ZNF215: variants seen among roughly 807,000 people sequenced by gnomAD.
ZNF215 encodes zinc finger protein 215.
In ZNF215, 24 loss-of-function variants were observed where a neutral mutation model predicts 27.2. The ratio of observed to expected loss-of-function variants is 0.88; its 90% confidence interval spans 0.64 to 1.24. ZNF215 has a LOEUF of 1.24. ZNF215 is among the 50% of genes most tolerant of loss of function. The pLI is 0.00. For missense variants in ZNF215, 675 were observed against 605.7 expected, an observed-to-expected ratio of 1.11 and a Z score of -1.20; for synonymous variants, 210 against 204.0, an observed-to-expected ratio of 1.03 and a Z score of -0.25.
intron 6 of ZNF215, among the ~76,000 whole-genome samples, chr11:6,952,341 G>A (rs898306976): frequency 6.6e-6 from 1 of 152,168 alleles, no homozygotes; most frequent in African/African-American, 2.4e-5. Context: ...GGGTGTTGAA[G>A]TCTCCCATTA....
chr11:6,950,394 C>T (rs1425824162), intron 6 of ZNF215, among the ~76,000 whole-genome samples: 179 of 152,030 alleles, frequency 1.2e-3, no homozygotes, highest in African/African-American at 4.2e-3. Flanking sequence ...TGTTTGTATC[C>T]TCTTTAATTT....
intron 6 of ZNF215, among the ~76,000 whole-genome samples, chr11:6,954,716 G>A (rs1376750776): frequency 6.6e-6 from 1 of 152,132 alleles, no homozygotes; most frequent in African/African-American, 2.4e-5. Flanking sequence ...CCCTGCTTCG[G>A]CTTGCGCAGG....
chr11:6,958,303 C>A (rs1398129935), downstream of ZNF215, among the ~76,000 whole-genome samples: 1 of 152,102 alleles, frequency 6.6e-6, no homozygotes, highest in Non-Finnish European at 1.5e-5. Context: ...CTGTGATTTT[C>A]TTTTGGATGG....
downstream of ZNF215, among the ~76,000 whole-genome samples, chr11:6,990,801 G>A (rs920781950): frequency 6.8e-5 from 2 of 29,208 alleles, no homozygotes; most frequent in Non-Finnish European, 8.5e-5. Context: ...TGAAAAAGAA[G>A]GGTGATGAGA....
At chr11:6,974,246 T>G (rs1850784047) in intron 5 of ZNF215, among the ~76,000 whole-genome samples, 1 of 152,180 alleles carries the variant, frequency 6.6e-6, no homozygotes, top group Non-Finnish European at 1.5e-5. Context: ...TCTGTTCCAT[T>G]GGTCTATATC....
intron 5 of ZNF215, among the ~76,000 whole-genome samples, chr11:6,975,550 C>T (rs1439799752): frequency 6.6e-6 from 1 of 151,940 alleles, no homozygotes; most frequent in Non-Finnish European, 1.5e-5. Flanking sequence ...GATAACCATT[C>T]TTCTATTCTC....
At position 6,977,593 on chromosome 11, in the gene ZNF215, G is replaced by A. The variant is rs541350186; in HGVS notation, c.806-6536G>A. 2.6e-5 allele frequency among the ~76,000 whole-genome samples: 4 copies of A among 152,096 alleles called. No individual in the cohort carries two copies. The East Asian group carries it at 7.7e-4, about 29-fold the overall frequency. On this transcript the variant is annotated intron_variant, in intron 5 of 5. Coordinates refer to the ZNF215 transcript ENST00000529903. Reference sequence around the variant, plus strand: ...GTCTGGTATCCTTGTAAGAAGAGGAGATTTGGACCCACAGAGAGACCTAGG... The same window carrying A: ...GTCTGGTATCCTTGTAAGAAGAGGAAATTTGGACCCACAGAGAGACCTAGG...
chr11:6,942,227 G>C (rs1849655508), intron 4 of ZNF215, among the ~76,000 whole-genome samples: 2 of 152,174 alleles, frequency 1.3e-5, no homozygotes, highest in East Asian at 3.9e-4. Flanking sequence ...TATTCATAAA[G>C]ACTGGCTTGA....
intron 5 of ZNF215, among the ~76,000 whole-genome samples, chr11:6,977,539 G>A (rs1246168589): frequency 6.6e-6 from 1 of 151,956 alleles, no homozygotes; most frequent in Admixed American, 6.6e-5. Context: ...GTTAAAATGA[G>A]ACTATTAGAG....
At chr11:6,971,792 A>C (rs1398707345) in intron 5 of ZNF215, among the ~76,000 whole-genome samples, 8 of 152,154 alleles carry the variant, frequency 5.3e-5, no homozygotes, top group Non-Finnish European at 8.8e-5. Flanking sequence ...AACCATAGAC[A>C]TAAAGTTAAA....
chr11:6,940,853 AAAGTCCCTTAT>A (rs562717644), intron 3 of ZNF215, among the ~76,000 whole-genome samples: 33 of 152,234 alleles, frequency 2.2e-4, no homozygotes, highest in Non-Finnish European at 3.7e-4. Flanking sequence ...ACATCAAAAG[AAAGTCCCTTAT>A]ATTGAATAAA....
rs1849848947 is a variant in ZNF215, at chr11:6,947,238, C to T, written c.712+3597C>T. 2.6e-5 allele frequency among the ~76,000 whole-genome samples: 4 copies of T among 152,174 alleles called. No individual in the cohort carries two copies. In the South Asian group the frequency reaches 6.2e-4, roughly 24 times the overall value. Reference sequence around the variant, plus strand: ...CTGGAATTTACTTCAATAAATGTAACTTATTTTCTCAAATAGTTAATGGAT... The same window carrying T: ...CTGGAATTTACTTCAATAAATGTAATTTATTTTCTCAAATAGTTAATGGAT... On this transcript the variant is annotated intron_variant, in intron 6 of 6. Transcript: ENST00000278319.
rs772360682 is a variant in ZNF215 at position 6,956,154 on chromosome 11, T to A, written c.1177T>A (p.Ser393Thr). Residue 393 changes from serine (S) to threonine (T), a missense_variant, in exon 7 of 7, where the codon TCC becomes ACC. Transcript: ENST00000278319. ...TGGGAAAGCCTTCTGCCGAAGTTCA[T>A]CCCTTATTCGACATCAGATCATTCA... ...QCGKAFCRSS[S>T]LIRHQIIHTG... 34 of 1,613,666 alleles carry A rather than the reference T, an allele frequency of 2.1e-5. No individual in the cohort carries two copies. The highest frequency in any genetic ancestry group is 2.8e-5 in the Non-Finnish European group (33 of 1,180,006).
downstream of ZNF215, among the ~76,000 whole-genome samples, chr11:6,960,669 T>C (rs1029417177): frequency 6.6e-6 from 1 of 152,110 alleles, no homozygotes; most frequent in Non-Finnish European, 1.5e-5. Context: ...GTCATTGCCA[T>C]AGATTGCCCT....
At chr11:6,978,792 A>G (rs1850884618) in intron 5 of ZNF215, among the ~76,000 whole-genome samples, 1 of 151,992 alleles carries the variant, frequency 6.6e-6, no homozygotes, top group Non-Finnish European at 1.5e-5. Context: ...TATTCTTTCA[A>G]CTTTATGCTT....
chr11:6,944,767 A>G (rs971280820), intron 6 of ZNF215, among the ~76,000 whole-genome samples: 5 of 152,078 alleles, frequency 3.3e-5, no homozygotes, highest in Non-Finnish European at 5.9e-5. Flanking sequence ...TCTTTTCTGA[A>G]ATTGTGGAAC....
chr11:6,966,126 G>A (rs1180104880), intron 5 of ZNF215, among the ~76,000 whole-genome samples: 1 of 152,024 alleles, frequency 6.6e-6, no homozygotes, highest in African/African-American at 2.4e-5. Context: ...TCTTGAGTGA[G>A]CCTTAGCACT....
intron 5 of ZNF215, among the ~76,000 whole-genome samples, chr11:6,963,467 T>C (rs1174335750): frequency 6.6e-6 from 1 of 152,076 alleles, no homozygotes; most frequent in African/African-American, 2.4e-5. Context: ...ACCATCTGAG[T>C]TCTTCACATA....
At chr11:6,967,477 G>C (rs527244839) in intron 5 of ZNF215, among the ~76,000 whole-genome samples, 65 of 152,266 alleles carry the variant, frequency 4.3e-4, no homozygotes, top group African/African-American at 1.6e-3. Flanking sequence ...GTTGTTTCCT[G>C]ACTTTTTAAT....
Sources: allele counts gnomAD v4.1 joint callset (sites outside exome capture counted in the v4.1 genomes callset), GRCh38; gene constraint gnomAD v4.1.1; transcripts MANE v1.5; gene names NCBI Gene and HGNC (gene_info 2026-07-23, HGNC 2026-07-21).